The following CGNL1 variants were observed in gnomAD, a reference collection of about 807,000 sequenced individuals.
The protein encoded by CGNL1 is cingulin like 1.
A neutral mutation model predicts 141.2 loss-of-function variants in CGNL1; 132 were observed. The ratio of observed to expected loss-of-function variants is 0.93; its 90% CI spans 0.81 to 1.08. The LOEUF (loss-of-function observed/expected upper bound fraction) is 1.08. Ranked by LOEUF, CGNL1 falls within the 50% of genes least tolerant of loss-of-function variation. The probability of loss-of-function intolerance (pLI) is 0.00; values close to 1 mark genes in which losing one functional copy is unlikely to be tolerated. For missense variants in CGNL1, 1,870 were observed against 1,588.6 expected, an observed-to-expected ratio of 1.18 and a Z score of -3.01; for synonymous variants, 690 against 622.1, an observed-to-expected ratio of 1.11 and a Z score of -1.63.
At chr15:57,483,594 C>T (rs1461859079) in intron 8 of CGNL1, among the ~76,000 whole-genome samples, 3 of 151,070 alleles carry the variant, frequency 2.0e-5, no homozygotes, top group Non-Finnish European at 4.4e-5. Context: ...GATCTATATA[C>T]CTTTTGCTAC....
At chr15:57,378,783 A>G (rs1235015285) in intron 1 of CGNL1, among the ~76,000 whole-genome samples, 3 of 152,162 alleles carry the variant, frequency 2.0e-5, no homozygotes, top group Admixed American at 2.0e-4. Flanking sequence ...AGTCCAAAGA[A>G]CATTCATTTT....
intron 4 of CGNL1, among the ~76,000 whole-genome samples, chr15:57,447,534 G>T (rs1194542369): frequency 6.6e-6 from 1 of 152,120 alleles, no homozygotes; most frequent in Non-Finnish European, 1.5e-5. Flanking sequence ...TTCCCTCTGG[G>T]TGCTTTTAAT....
intron 1 of CGNL1, chr15:57,397,072 A>G (rs1254053543): frequency 6.6e-6 from 1 of 152,166 alleles, no homozygotes; most frequent in African/African-American, 2.4e-5. Context: ...TTGCAGAAAG[A>G]AGTCAGTCTT....
chr15:57,476,295 G>A (rs1366418113), intron 8 of CGNL1, among the ~76,000 whole-genome samples: 2 of 152,146 alleles, frequency 1.3e-5, no homozygotes, highest in East Asian at 1.9e-4. Context: ...TTATGGGTGG[G>A]CAAGGACATT....
At chr15:57,442,524 G>A in intron 4 of CGNL1, 46 bp downstream of exon 4, 1 of 1,192,072 alleles carries the variant, frequency 8.4e-7, no homozygotes, top group Non-Finnish European at 1.2e-6. Context: ...AGCATGGAAT[G>A]TGGTAAACAA....
chr15:57,489,702 G>C (rs2063832185), intron 8 of CGNL1, among the ~76,000 whole-genome samples: 1 of 152,252 alleles, frequency 6.6e-6, no homozygotes, highest in African/African-American at 2.4e-5. Flanking sequence ...GCACTATTCT[G>C]TTCCTCTTAA....
At chr15:57,492,358 T>A (rs941286111) in intron 8 of CGNL1, among the ~76,000 whole-genome samples, 15 of 152,216 alleles carry the variant, frequency 9.9e-5, no homozygotes, top group Non-Finnish European at 2.1e-4. Flanking sequence ...TACACTCCAA[T>A]CCTACCTAAT....
In CGNL1 at chr15:57,438,293, T is replaced by A. The variant is rs758177120; in HGVS notation, c.294T>A (p.Ser98Arg). 1 of 1,614,128 alleles carries A rather than the reference T, an allele frequency of 6.2e-7. No individual in the cohort carries two copies. Among genetic ancestry groups the A allele is most frequent in the Non-Finnish European group, 8.5e-7 (1 of 1,180,038 alleles). ...ATGGTTCTGTGCCAAAGGAGAACAG[T>A]GAAGAACTTCAGCTTCCAGAAAACC... Reference protein sequence around the residue: ...SSNGSVPKENSEELQLPENPY... With the variant: ...SSNGSVPKENREELQLPENPY... The change falls in exon 2 of 19, where the codon AGT becomes AGA. Residue 98 changes from serine to arginine, a missense_variant. Ser to Arg is a moderately radical substitution (Grantham distance 110, BLOSUM62 -1). Coordinates refer to ENST00000281282, the MANE Select transcript of CGNL1 (RefSeq NM_032866.5).
At chr15:57,449,164 A>G (rs1378876702) in intron 4 of CGNL1, among the ~76,000 whole-genome samples, 1 of 152,134 alleles carries the variant, frequency 6.6e-6, no homozygotes, top group African/African-American at 2.4e-5. Context: ...TTTGCCTCCT[A>G]ATAGGTCTTC....
At chr15:57,517,667 A>G (rs1011053406) in intron 9 of CGNL1, among the ~76,000 whole-genome samples, 5 of 152,216 alleles carry the variant, frequency 3.3e-5, no homozygotes, top group African/African-American at 1.2e-4. Context: ...ATGGCATCAC[A>G]TGGCAGAAGG....
chr15:57,381,714 C>T (rs1478672684), intron 1 of CGNL1, among the ~76,000 whole-genome samples: 1 of 152,224 alleles, frequency 6.6e-6, no homozygotes, highest in African/African-American at 2.4e-5. Flanking sequence ...TATTTTTTAA[C>T]ATCACAGTCT....
intron 8 of CGNL1, among the ~76,000 whole-genome samples, chr15:57,499,818 G>C (rs2063996969): frequency 1.3e-5 from 2 of 152,218 alleles, no homozygotes; most frequent in Admixed American, 1.3e-4. Context: ...AGTACAAAGA[G>C]GAATGTGTTT....
chr15:57,485,369 A>G (rs2063773470), intron 8 of CGNL1, among the ~76,000 whole-genome samples: 2 of 152,212 alleles, frequency 1.3e-5, no homozygotes, highest in African/African-American at 2.4e-5. Context: ...ATTTTGCTAG[A>G]AAGAGATTTC....
Position 57,518,406 on chromosome 15 carries a change from A to T in CGNL1, c.2624A>T (p.Gln875Leu), listed in dbSNP as rs764239479. The change falls in exon 10 of 19, where the codon CAG (glutamine) becomes CTG (leucine). Residue 875 changes from glutamine (Q) to leucine (L), a missense_variant. By Grantham distance (113) the Gln-to-Leu change is moderately radical. Transcript: ENST00000281282. ...GTTTCATTGTAGGGAGAAATACGACAGTTAGAGGAGGCCCTTGTGCACGCC... is the reference window on the plus strand; with the variant it reads ...GTTTCATTGTAGGGAGAAATACGACTGTTAGAGGAGGCCCTTGTGCACGCC... ...TLKKYEGEIR[Q>L]LEEALVHARK... is the part of the protein sequence containing the mutation. 17 of 1,612,940 alleles carry T rather than the reference A, an allele frequency of 1.1e-5. No individual in the cohort carries two copies. The highest frequency in any genetic ancestry group is 3.4e-6 in the Non-Finnish European group (4 of 1,179,452).
intron 1 of CGNL1, among the ~76,000 whole-genome samples, chr15:57,424,617 G>A (rs2152287215): frequency 6.6e-6 from 1 of 152,280 alleles, no homozygotes; most frequent in East Asian, 1.9e-4. Flanking sequence ...AATGGTTTGG[G>A]TATCGGGTTA....
intron 1 of CGNL1, among the ~76,000 whole-genome samples, chr15:57,413,495 A>T (rs1437527808): frequency 6.6e-6 from 1 of 152,068 alleles, no homozygotes; most frequent in African/African-American, 2.4e-5. Context: ...GGGGTTGCCC[A>T]GGCTAGTCTG....
chr15:57,518,509 G>C lies in CGNL1; in HGVS notation c.2715+12G>C, dbSNP rs774205459. ...TGGAGGCTGCTCAGGTAAACACCAA[G>C]GGCTGTTGTCATTACTCCCTCAAGA... On this transcript the variant is annotated intron_variant, in intron 10 of 18. Transcript: ENST00000281282. 6.4e-7 allele frequency: 1 copy of C among 1,574,240 alleles called. No homozygotes were observed. Among genetic ancestry groups the C allele is most frequent in the Non-Finnish European group, 8.7e-7 (1 of 1,149,176 alleles).
chr15:57,408,235 C>G (rs2062745193), intron 1 of CGNL1, among the ~76,000 whole-genome samples: 1 of 152,014 alleles, frequency 6.6e-6, no homozygotes, highest in Non-Finnish European at 1.5e-5. Context: ...GCAGGGCACA[C>G]CGTTATGTTT....
chr15:57,463,441 A>C (rs990585034), intron 8 of CGNL1, among the ~76,000 whole-genome samples: 5 of 152,208 alleles, frequency 3.3e-5, no homozygotes, highest in African/African-American at 1.2e-4. Flanking sequence ...CGACAACTAC[A>C]TTGACCCATA....
Sources: allele counts gnomAD v4.1 joint callset (sites outside exome capture counted in the v4.1 genomes callset), GRCh38; gene constraint gnomAD v4.1.1; transcripts MANE v1.5; gene names NCBI Gene and HGNC (gene_info 2026-07-23, HGNC 2026-07-21).